The following MPHOSPH6 variants were observed in gnomAD, a reference collection of about 807,000 sequenced individuals.
MPHOSPH6 encodes the protein M-phase phosphoprotein 6.
Under a neutral mutation model 21.8 loss-of-function variants are expected in MPHOSPH6, and 25 were observed. The ratio of observed to expected loss-of-function variants is 1.15; its 90% confidence interval spans 0.83 to 1.60. The LOEUF (loss-of-function observed/expected upper bound fraction) is 1.60. MPHOSPH6 is among the 40% of genes most tolerant of loss of function. The probability of loss-of-function intolerance (pLI) is 0.00; values close to 1 mark genes in which losing one functional copy is unlikely to be tolerated. For missense variants in MPHOSPH6, 269 were observed against 181.8 expected (o/e 1.48, Z -2.76); for synonymous variants, 84 against 56.5 (o/e 1.49, Z -2.18).
At chr16:82,162,683 C>T (rs913360477) in intron 2 of MPHOSPH6, among the ~76,000 whole-genome samples, 2 of 152,212 alleles carry the variant, frequency 1.3e-5, no homozygotes, top group Non-Finnish European at 2.9e-5. Context: ...CCCTATGCCC[C>T]ACCCACACCT....
intron 2 of MPHOSPH6, among the ~76,000 whole-genome samples, chr16:82,153,615 G>A (rs1481756843): frequency 6.6e-6 from 1 of 152,202 alleles, no homozygotes; most frequent in Non-Finnish European, 1.5e-5. Flanking sequence ...CACTGAAAGG[G>A]AGCTACACTA....
intron 1 of MPHOSPH6, among the ~76,000 whole-genome samples, chr16:82,166,702 G>A (rs1032304609): frequency 6.6e-6 from 1 of 152,118 alleles, no homozygotes; most frequent in African/African-American, 2.4e-5. Flanking sequence ...TATTTTTCCA[G>A]ATTCTCTTTC....
At chr16:82,151,553 A>T (rs769829288) in intron 2 of MPHOSPH6, 39 bp from the exon 3 acceptor site, 10 of 1,532,666 alleles carry the variant, frequency 6.5e-6, no homozygotes, top group Middle Eastern at 2.3e-4. Context: ...TCCATATATA[A>T]AGCACAGCAA....
intron 2 of MPHOSPH6, among the ~76,000 whole-genome samples, chr16:82,162,553 C>T (rs1398848706): frequency 6.6e-6 from 1 of 152,208 alleles, no homozygotes; most frequent in African/African-American, 2.4e-5. Context: ...GCTCTCTCTA[C>T]ACAACTTATC....
At chr16:82,158,175 G>C (rs537166033) in intron 2 of MPHOSPH6, among the ~76,000 whole-genome samples, 2 of 151,932 alleles carry the variant, frequency 1.3e-5, no homozygotes, top group African/African-American at 4.8e-5. Flanking sequence ...TTCGGTATAC[G>C]AAATTGAAAC....
intron 1 of MPHOSPH6, among the ~76,000 whole-genome samples, chr16:82,166,977 G>C (rs1316514474): frequency 1.3e-5 from 2 of 152,158 alleles, no homozygotes; most frequent in Admixed American, 6.5e-5. Flanking sequence ...AAACTAGTGA[G>C]GACTCAGAGC....
In MPHOSPH6 at chr16:82,148,804, T is replaced by A. The variant is rs1212089002; in HGVS notation, c.410A>T (p.Asn137Ile). The change falls in exon 5 of 5, where the codon AAT becomes ATT. Residue 137 changes from asparagine to isoleucine, a missense_variant. Asn to Ile is a moderately radical substitution (Grantham distance 149). Coordinates refer to ENST00000258169, the MANE Select transcript of MPHOSPH6 (RefSeq NM_005792.2). ...GTCTCCATTTTCATCTTCTTCATAA[T>A]TGGCATGGTCTCTCTTTCTGGCAAA... is the stretch of plus-strand genomic sequence containing the variant. Reference protein sequence around the residue: ...KKFARKRDHANYEEDENGDIT... With the variant: ...KKFARKRDHAIYEEDENGDIT... 1 of 1,614,058 alleles carries A rather than the reference T, an allele frequency of 6.2e-7. No homozygotes were observed. Among genetic ancestry groups the A allele is most frequent in the African/African-American group, 1.3e-5 (1 of 74,918 alleles).
chr16:82,160,525 C>T (rs1405212149), intron 2 of MPHOSPH6, among the ~76,000 whole-genome samples: 1 of 152,190 alleles, frequency 6.6e-6, no homozygotes, highest in Non-Finnish European at 1.5e-5. Flanking sequence ...CAGTCTTCCT[C>T]TAAAGCGAAG....
intron 2 of MPHOSPH6, among the ~76,000 whole-genome samples, chr16:82,158,307 T>A (rs1350116537): frequency 6.7e-6 from 1 of 148,882 alleles, no homozygotes; most frequent in African/African-American, 2.5e-5. Flanking sequence ...GCTAATACGA[T>A]GAAACCCTGT....
chr16:82,152,525 C>G (rs993714342), intron 2 of MPHOSPH6, among the ~76,000 whole-genome samples: 1 of 152,090 alleles, frequency 6.6e-6, no homozygotes, highest in Non-Finnish European at 1.5e-5. Context: ...ACACAAAGAG[C>G]CAGCTGTACT....
At chr16:82,149,990 T>A (rs1906212113) in intron 3 of MPHOSPH6, among the ~76,000 whole-genome samples, 1 of 151,576 alleles carries the variant, frequency 6.6e-6, no homozygotes, top group Admixed American at 6.6e-5. Flanking sequence ...ACATAAACCT[T>A]TTTGTGATAA....
rs1219717003 is a variant in MPHOSPH6 at position 82,148,611 on chromosome 16, T to C, written c.*120A>G. 4 of 1,228,984 alleles carry C rather than the reference T, an allele frequency of 3.3e-6. No homozygotes were observed. In the African/African-American group the frequency reaches 4.5e-5, roughly 14 times the overall value. 76.1% of individuals were successfully genotyped at this position (1,228,984 alleles called of 1,614,324 possible). ...CAAAAACAGCATGTTTCTAAAATGA[T>C]AATCTCTTTACAAGTAAACGTTACA... On this transcript the variant is annotated 3_prime_UTR_variant, in exon 5 of 5. Coordinates refer to ENST00000258169, the MANE Select transcript of MPHOSPH6 (RefSeq NM_005792.2).
chr16:82,161,777 G>T (rs1906614818), intron 2 of MPHOSPH6, among the ~76,000 whole-genome samples: 1 of 152,204 alleles, frequency 6.6e-6, no homozygotes, highest in Admixed American at 6.5e-5. Context: ...GTTGTTCCAA[G>T]TTGAGGCACA....
chr16:82,161,821 C>T (rs912321426), intron 2 of MPHOSPH6, among the ~76,000 whole-genome samples: 2 of 152,166 alleles, frequency 1.3e-5, no homozygotes, highest in Non-Finnish European at 2.9e-5. Context: ...CATGGTCTAG[C>T]CACTGGCTAA....
Position 82,148,830 on chromosome 16 carries a change from CTT to C in MPHOSPH6, c.382_383del (p.Lys128ValfsTer11). 1 of 1,614,134 alleles carries C rather than the reference CTT, an allele frequency of 6.2e-7. No individual in the cohort carries two copies. Among genetic ancestry groups the C allele is most frequent in the Middle Eastern group, 1.6e-4 (1 of 6,062 alleles). On this transcript the variant is annotated frameshift_variant, in exon 5 of 5. Transcript: ENST00000258169. LOFTEE classifies it high-confidence loss of function. ...YETLVGTIGK[K>X]FARKRDHANY... ...TGGCATGGTCTCTCTTTCTGGCAAACTTTTTCCCAATTGTCCCCACCAAGGTC... is the reference window on the plus strand; with the variant it reads ...TGGCATGGTCTCTCTTTCTGGCAAACTTTCCCAATTGTCCCCACCAAGGTC...
chr16:82,170,144 T>A lies in MPHOSPH6; in HGVS notation c.32A>T (p.Lys11Met). The change falls in exon 1 of 5, where the codon AAG becomes ATG. Residue 11 changes from lysine to methionine, a missense_variant. Lys to Met is a moderately conservative substitution (Grantham distance 95). Coordinates refer to ENST00000258169, the MANE Select transcript of MPHOSPH6 (RefSeq NM_005792.2). MAAERKTRLS[K>M]NLLRMKFMQR... is the part of the protein sequence containing the mutation. ...CCGCACCTTCATGCGCAGTAGATTCTTGGACAACCTTGTCTTTCGCTCGGC... is the reference window on the plus strand; with the variant it reads ...CCGCACCTTCATGCGCAGTAGATTCATGGACAACCTTGTCTTTCGCTCGGC... 16 of 1,595,880 alleles carry A rather than the reference T, an allele frequency of 1.0e-5. 1 individual carries two copies. The South Asian group carries it at 1.8e-4, about 18-fold the overall frequency.
In MPHOSPH6 at chr16:82,165,144, T is replaced by TTTTTTTTG. The variant is rs1555540871; in HGVS notation, c.52-951_52-950insCAAAAAAA. Reference sequence around the variant, plus strand: ...TTATTTTTTTTTTTATTTTTTTTTTTTGAGACAGAGTCTCACTCTGTCGCC... The same window carrying TTTTTTTTG: ...TTATTTTTTTTTTTATTTTTTTTTTTTTTTTTTGTGAGACAGAGTCTCACTCTGTCGCC... On this transcript the variant is annotated intron_variant, in intron 1 of 4. Transcript: ENST00000258169. Among the ~76,000 whole-genome samples the TTTTTTTTG allele has an allele frequency of 1.1e-3, 117 of 108,658 alleles. 2 individuals carry two copies. The highest frequency in any genetic ancestry group is 1.6e-3 in the South Asian group (5 of 3,052). 71.3% of individuals were successfully genotyped at this position (108,658 alleles called of 152,430 possible).
Position 82,170,137 on chromosome 16 carries a change from T to G in MPHOSPH6, c.39A>C (p.Leu13=), listed in dbSNP as rs1134847. 30 of 1,589,992 alleles carry G rather than the reference T, an allele frequency of 1.9e-5. No homozygotes were observed. The highest frequency in any genetic ancestry group is 2.2e-5 in the Non-Finnish European group (26 of 1,167,984). The change falls in exon 1 of 5, where the codon CTA becomes CTC. Residue 13 remains leucine, a synonymous_variant. Coordinates refer to ENST00000258169, the MANE Select transcript of MPHOSPH6 (RefSeq NM_005792.2). The part of the protein sequence containing the change: ...AERKTRLSKN[L]LRMKFMQRGL... ...AGCGTCCCCGCACCTTCATGCGCAG[T>G]AGATTCTTGGACAACCTTGTCTTTC...
At chr16:82,166,148 G>C (rs1175829229) in intron 1 of MPHOSPH6, among the ~76,000 whole-genome samples, 1 of 152,226 alleles carries the variant, frequency 6.6e-6, no homozygotes, top group East Asian at 1.9e-4. Context: ...GTTGCCGCTA[G>C]GGGAGGTGGC....
Sources: gnomAD v4.1 joint callset for allele counts (sites outside exome capture counted in the v4.1 genomes callset) on GRCh38, gnomAD v4.1.1 for gene constraint, MANE v1.5 for transcripts, NCBI Gene and HGNC (gene_info 2026-07-23, HGNC 2026-07-21) for gene names.